The following EPHX1 variants were observed in gnomAD, a reference collection of about 807,000 sequenced individuals.
EPHX1 encodes epoxide hydratase.
In EPHX1, 40 loss-of-function variants were observed where a neutral mutation model predicts 43.2. That is an observed-to-expected ratio of 0.93 (90% CI 0.72 to 1.21). The LOEUF (loss-of-function observed/expected upper bound fraction) is 1.21. Among genes scored for constraint, EPHX1 ranks in the 50% most tolerant of loss-of-function variants. The pLI is 0.00. For synonymous variants in EPHX1, 221 were observed against 226.7 expected (o/e 0.98, Z 0.22); for missense variants, 550 against 570.4 (o/e 0.96, Z 0.36).
chr1:225,810,770 G>A (rs895756759), intron 1 of EPHX1, among the ~76,000 whole-genome samples: 1 of 145,212 alleles, frequency 6.9e-6, no homozygotes, highest in Non-Finnish European at 1.5e-5. Context: ...CAGAGTGGGG[G>A]GGGTCACAAG....
At position 225,845,413 on chromosome 1, in the gene EPHX1, A is replaced by G; in HGVS notation, c.*66A>G. 1.3e-6 allele frequency: 2 copies of G among 1,486,176 alleles called. No individual in the cohort carries two copies. The highest frequency in any genetic ancestry group is 1.8e-6 in the Non-Finnish European group (2 of 1,109,266). The allele number at this position is 1,486,176 out of a possible 1,614,324, so 92.1% of individuals were successfully genotyped here. ...GCCCTCCAGGCTTTTCTTGGGGAAG[A>G]TACCCCTTTTCTGAGGAATGAGTTT... On this transcript the variant is annotated 3_prime_UTR_variant, in exon 9 of 9. Coordinates refer to ENST00000272167, the MANE Select transcript of EPHX1 (RefSeq NM_001136018.4).
Position 225,838,836 on chromosome 1 carries a change from C to T in EPHX1, c.547C>T (p.Pro183Ser). The T allele has an allele frequency of 6.2e-7, 1 of 1,614,218 alleles. No homozygotes were observed. The highest frequency in any genetic ancestry group is 1.1e-5 in the South Asian group (1 of 91,084). ...SDEHVFEVIC[P>S]SIPGYGFSEA... ...TGAGCACGTTTTTGAAGTCATCTGC[C>T]CTTCCATCCCTGGCTATGGCTTCTC... The change falls in exon 4 of 9, where the codon CCT becomes TCT. Residue 183 changes from proline to serine, a missense_variant. Pro to Ser is a moderately conservative substitution (Grantham distance 74). Transcript: ENST00000272167.
At chr1:225,839,073 C>T in intron 4 of EPHX1, 144 bp from the exon 5 acceptor site, 1 of 1,429,976 alleles carries the variant, frequency 7.0e-7, no homozygotes, top group Non-Finnish European at 9.6e-7. Flanking sequence ...TATTTGGGCT[C>T]CAGGATTCCT....
chr1:225,838,977 A>G lies in EPHX1; in HGVS notation c.592+96A>G. On this transcript the variant is annotated intron_variant, in intron 4 of 8. Transcript: ENST00000272167. ...TCTCCTTCCGGCGGGGTGAGCAGGG[A>G]GTTGGCCCGAGGAAGCTGGGAAAGG... 9 of 1,457,696 alleles carry G rather than the reference A, an allele frequency of 6.2e-6. No individual in the cohort carries two copies. The South Asian group carries it at 1.0e-4, about 17-fold the overall frequency. The allele number at this position is 1,457,696 out of a possible 1,614,324, so 90.3% of individuals were successfully genotyped here.
chr1:225,838,716 C>T lies in EPHX1; in HGVS notation c.427C>T (p.Pro143Ser). The T allele has an allele frequency of 6.2e-7, 1 of 1,614,190 alleles. No individual in the cohort carries two copies. The highest frequency in any genetic ancestry group is 2.2e-5 in the East Asian group (1 of 44,868). The change falls in exon 4 of 9, where the codon CCC becomes TCC. Residue 143 changes from proline (P) to serine (S), a missense_variant. Transcript: ENST00000272167. The part of the protein sequence containing the change: ...PQLPAGHTPK[P>S]LLMVHGWPGS... Reference sequence around the variant, plus strand: ...GCTGCCCGCAGGCCATACCCCGAAGCCCTTGCTGATGGTGCACGGCTGGCC... The same window carrying T: ...GCTGCCCGCAGGCCATACCCCGAAGTCCTTGCTGATGGTGCACGGCTGGCC...
chr1:225,843,293 T>C (rs1668588465), intron 7 of EPHX1, among the ~76,000 whole-genome samples: 1 of 152,134 alleles, frequency 6.6e-6, no homozygotes, highest in South Asian at 2.1e-4. Flanking sequence ...AGGAGTTTGC[T>C]GGATGGAGGA....
rs1318057350 is a variant in EPHX1, at chr1:225,817,147, C to T, written c.-6+6978C>T. On this transcript the variant is annotated intron_variant, in intron 1 of 8. Coordinates refer to ENST00000272167, the MANE Select transcript of EPHX1 (RefSeq NM_001136018.4). The surrounding 1 kb of genome is among the most constrained non-coding windows in gnomAD (Gnocchi z 5.7). ...CACGGCCATTGGCCTGGTGCACAAT[C>T]CCAGCTTGCCTGCATCCGGCCTCTT... Among the ~76,000 whole-genome samples the T allele has an allele frequency of 1.3e-5, 2 of 152,224 alleles. No individual in the cohort carries two copies. The highest frequency in any genetic ancestry group is 1.3e-4 in the Admixed American group (2 of 15,292).
At chr1:225,829,391 C>T (rs1489281032) in intron 2 of EPHX1, among the ~76,000 whole-genome samples, 4 of 152,174 alleles carry the variant, frequency 2.6e-5, no homozygotes, top group Non-Finnish European at 4.4e-5. Context: ...TTGTTGTTCC[C>T]AAACTGCAGA....
intron 1 of EPHX1, among the ~76,000 whole-genome samples, chr1:225,824,683 G>C (rs192104284): frequency 3.3e-5 from 5 of 152,182 alleles, no homozygotes; most frequent in Admixed American, 1.3e-4. Flanking sequence ...CAAAGCAGAC[G>C]GGGGGGTGTG....
chr1:225,812,413 G>T (rs537345479), intron 1 of EPHX1, among the ~76,000 whole-genome samples: 13 of 152,326 alleles, frequency 8.5e-5, no homozygotes, highest in Admixed American at 7.2e-4. Flanking sequence ...AACATCTTCA[G>T]GAAGCCCTGA....
intron 1 of EPHX1, among the ~76,000 whole-genome samples, chr1:225,827,756 C>G (rs558571822): frequency 3.9e-5 from 6 of 152,218 alleles, no homozygotes; most frequent in African/African-American, 1.4e-4. Flanking sequence ...CTAGAAACCA[C>G]TGGAGGGTTC....
chr1:225,839,120 G>A (rs1668153083), intron 4 of EPHX1, 97 bp from the exon 5 acceptor site: 1 of 1,587,286 alleles, frequency 6.3e-7, no homozygotes, highest in Non-Finnish European at 8.6e-7. Flanking sequence ...TCCACCTGGG[G>A]GTAGGCGGGC....
At chr1:225,819,888 C>T (rs1360264634) in intron 1 of EPHX1, among the ~76,000 whole-genome samples, 1 of 152,168 alleles carries the variant, frequency 6.6e-6, no homozygotes, top group Non-Finnish European at 1.5e-5. Context: ...TCTTCTCCAA[C>T]TAAAATTAAA....
At chr1:225,810,692 G>C (rs577936050) in intron 1 of EPHX1, 1 of 150,226 alleles carries the variant, frequency 6.7e-6, no homozygotes, top group Non-Finnish European at 1.5e-5. Context: ...GGAGATAGGG[G>C]TGGGGCCGTT....
At chr1:225,821,344 C>G (rs1256651684) in intron 1 of EPHX1, among the ~76,000 whole-genome samples, 1 of 151,868 alleles carries the variant, frequency 6.6e-6, no homozygotes, top group Non-Finnish European at 1.5e-5. Context: ...TACCCAGGTT[C>G]AAGCGATTCT....
In EPHX1 at chr1:225,820,831, A is replaced by G. The variant is rs79654982; in HGVS notation, c.-5-7894A>G. On this transcript the variant is annotated intron_variant, in intron 1 of 8. Transcript: ENST00000272167. ...ATCTGTGTGCATATAGTATGTGTCT[A>G]TAACTGGAAGGGTGTTTATCTGTTA... is the stretch of plus-strand genomic sequence containing the variant. Among the ~76,000 whole-genome samples the G allele has an allele frequency of 2.0e-4, 30 of 152,142 alleles. No individual in the cohort carries two copies. The East Asian group carries it at 5.0e-3, about 26-fold the overall frequency.
chr1:225,817,829 C>T lies in EPHX1; in HGVS notation c.-6+7660C>T, dbSNP rs111939505. 3.9e-5 allele frequency among the ~76,000 whole-genome samples: 6 copies of T among 152,358 alleles called. No individual in the cohort carries two copies. The highest frequency in any genetic ancestry group is 4.8e-5 in the African/African-American group (2 of 41,586). ...GCCCTGCAATGCACTTAGCCAAGGC[C>T]GGGCACATGGCAAGTGCTGAGTCAT... On this transcript the variant is annotated intron_variant, in intron 1 of 8. Coordinates refer to ENST00000272167, the MANE Select transcript of EPHX1 (RefSeq NM_001136018.4). The surrounding 1 kb of genome is among the most constrained non-coding windows in gnomAD (Gnocchi z 5.7).
In EPHX1 at chr1:225,845,434, A is replaced by G; in HGVS notation, c.*87A>G. 2 of 1,415,392 alleles carry G rather than the reference A, an allele frequency of 1.4e-6. No homozygotes were observed. Among genetic ancestry groups the G allele is most frequent in the African/African-American group, 1.4e-5 (1 of 69,320 alleles). 87.7% of individuals were successfully genotyped at this position (1,415,392 alleles called of 1,614,324 possible). On this transcript the variant is annotated 3_prime_UTR_variant, in exon 9 of 9. Coordinates refer to ENST00000272167, the MANE Select transcript of EPHX1 (RefSeq NM_001136018.4). Reference sequence around the variant, plus strand: ...GAAGATACCCCTTTTCTGAGGAATGAGTTTGCCTCCGTCCCCTGCCCATGC... The same window carrying G: ...GAAGATACCCCTTTTCTGAGGAATGGGTTTGCCTCCGTCCCCTGCCCATGC...
Position 225,844,775 on chromosome 1 carries a change from G to C in EPHX1, c.1166+152G>C, listed in dbSNP as rs747498271. On this transcript the variant is annotated intron_variant, in intron 8 of 8. Transcript: ENST00000272167. Reference sequence around the variant, plus strand: ...CCCTTGGATGGGAACACTAAAGGTCGAGGTGTTTGGAGAAAGCCCTCATGG... The same window carrying C: ...CCCTTGGATGGGAACACTAAAGGTCCAGGTGTTTGGAGAAAGCCCTCATGG... The C allele has an allele frequency of 3.0e-6, 4 of 1,314,122 alleles. No individual in the cohort carries two copies. The African/African-American group carries it at 5.9e-5, about 19-fold the overall frequency. 81.4% of individuals were successfully genotyped at this position (1,314,122 alleles called of 1,614,324 possible). A position where few individuals can be genotyped will look rare whatever the true frequency, so the allele number is the denominator to read the frequency against.
Sources: gnomAD v4.1 joint callset for allele counts (sites outside exome capture counted in the v4.1 genomes callset) on GRCh38, gnomAD v4.1.1 for gene constraint, Gnocchi (gnomAD v3.1) non-coding constraint, MANE v1.5 for transcripts, NCBI Gene and HGNC (gene_info 2026-07-23, HGNC 2026-07-21) for gene names.